Variants in GABRB1 observed in about 807,000 individuals in gnomAD.
GABRB1 encodes the protein gamma-aminobutyric acid receptor subunit beta-1.
GABRB1 carries 17 observed loss-of-function variants against 51.6 expected under a neutral mutation model. The ratio of observed to expected loss-of-function variants is 0.33; its 90% confidence interval spans 0.23 to 0.49. The LOEUF is 0.49. Ranked by LOEUF, GABRB1 falls within the 20% of genes least tolerant of loss-of-function variation. GABRB1 has a pLI of 0.99. For missense variants in GABRB1, 410 were observed against 600.6 expected (o/e 0.68, Z 3.32); for synonymous variants, 247 against 218.9 (o/e 1.13, Z -1.14).
intron 1 of GABRB1, among the ~76,000 whole-genome samples, chr4:46,994,673 A>G (rs929851928): frequency 2.6e-5 from 4 of 152,202 alleles, no homozygotes; most frequent in African/African-American, 4.8e-5. Flanking sequence ...AGCATTCCCA[A>G]TAGATCTTTG....
chr4:47,031,478 G>C (rs944297641), upstream of GABRB1: 75 of 619,556 alleles, frequency 1.2e-4, no homozygotes, highest in African/African-American at 1.0e-3. Context: ...TAGAGGGATT[G>C]AAATCTGTTG....
intron 4 of GABRB1, among the ~76,000 whole-genome samples, chr4:47,228,068 A>C (rs1560594321): frequency 6.6e-6 from 1 of 152,188 alleles, no homozygotes; most frequent in Non-Finnish European, 1.5e-5. Context: ...TTTGGAAGGA[A>C]CACAGTTTAG....
At chr4:47,182,434 T>G (rs1718990278) in intron 4 of GABRB1, among the ~76,000 whole-genome samples, 2 of 152,058 alleles carry the variant, frequency 1.3e-5, no homozygotes, top group Admixed American at 1.3e-4. Flanking sequence ...AATCTCATGT[T>G]TACCAAGTGG....
At chr4:47,288,695 T>C (rs733873) in intron 4 of GABRB1, among the ~76,000 whole-genome samples, 106,373 of 152,090 alleles carry the variant, frequency 0.7, 38,179 homozygotes, top group East Asian at 0.97. Flanking sequence ...TCATAGCAAA[T>C]GTTTATTGAA....
intron 1 of GABRB1, among the ~76,000 whole-genome samples, chr4:46,997,644 T>A (rs1724043530): frequency 6.6e-6 from 1 of 152,094 alleles, no homozygotes; most frequent in African/African-American, 2.4e-5. Context: ...ACTTACTATA[T>A]GTCCTCCAGG....
At chr4:47,195,285 T>C (rs930658979) in intron 4 of GABRB1, among the ~76,000 whole-genome samples, 4 of 152,024 alleles carry the variant, frequency 2.6e-5, no homozygotes, top group African/African-American at 9.7e-5. Flanking sequence ...GAGAATGGCG[T>C]GAACCCGGGA....
chr4:47,335,172 C>T (rs182811309), intron 5 of GABRB1, among the ~76,000 whole-genome samples: 26 of 152,076 alleles, frequency 1.7e-4, no homozygotes, highest in African/African-American at 6.3e-4. Context: ...GGTCCAGATC[C>T]TGAATGTCTA....
At chr4:47,207,623 G>T (rs1212350778) in intron 4 of GABRB1, among the ~76,000 whole-genome samples, 1 of 151,976 alleles carries the variant, frequency 6.6e-6, no homozygotes, top group African/African-American at 2.4e-5. Flanking sequence ...GTATTATGCT[G>T]ATGTTTTGAT....
In GABRB1 at chr4:47,060,416, C is replaced by T. The variant is rs1333005522; in HGVS notation, c.240+27932C>T. Among the ~76,000 whole-genome samples the T allele has an allele frequency of 3.3e-5, 5 of 152,150 alleles. No homozygotes were observed. The East Asian group carries it at 9.7e-4, about 29-fold the overall frequency. On this transcript the variant is annotated intron_variant, in intron 3 of 8. Transcript: ENST00000295454. ...ATCTCAGCTTTCCAGGGTATTGCCC[C>T]ATAACCGCAGAATAAAACAACCCTG...
chr4:47,316,345 G>C (rs1560330414), intron 4 of GABRB1, among the ~76,000 whole-genome samples: 1 of 151,670 alleles, frequency 6.6e-6, no homozygotes, highest in East Asian at 1.9e-4. Flanking sequence ...TAGTATTTCT[G>C]TGCTTGGCTT....
At chr4:47,047,595 A>G (rs953181045) in intron 3 of GABRB1, among the ~76,000 whole-genome samples, 1 of 152,146 alleles carries the variant, frequency 6.6e-6, no homozygotes, top group Non-Finnish European at 1.5e-5. Context: ...TTAAACATAG[A>G]AAAGTTTCAG....
At chr4:47,180,546 G>T (rs1718901002) in intron 4 of GABRB1, among the ~76,000 whole-genome samples, 1 of 151,932 alleles carries the variant, frequency 6.6e-6, no homozygotes, top group Non-Finnish European at 1.5e-5. Flanking sequence ...TTAGTTATTT[G>T]GATGCTTTTT....
intron 3 of GABRB1, among the ~76,000 whole-genome samples, chr4:47,116,301 T>C (rs1006668220): frequency 2.0e-5 from 3 of 152,136 alleles, no homozygotes; most frequent in Admixed American, 2.0e-4. Context: ...AAGACATTCA[T>C]CTCAATTATT....
At chr4:47,134,610 T>G (rs1296571680) in intron 3 of GABRB1, among the ~76,000 whole-genome samples, 1 of 152,208 alleles carries the variant, frequency 6.6e-6, no homozygotes, top group African/African-American at 2.4e-5. Context: ...AACTTGAAAC[T>G]GTTACCAATA....
chr4:47,376,213 G>T (rs529290336), intron 5 of GABRB1, among the ~76,000 whole-genome samples: 2 of 152,254 alleles, frequency 1.3e-5, no homozygotes, highest in South Asian at 4.1e-4. Context: ...GAAAGATAAG[G>T]ATAGAACCCA....
intron 3 of GABRB1, chr4:47,032,879 G>A: frequency 2.6e-6 from 1 of 390,998 alleles, no homozygotes; most frequent in Non-Finnish European, 5.2e-6. Context: ...ACCTCCCCAG[G>A]CGCGGTGCTG....
intron 3 of GABRB1, among the ~76,000 whole-genome samples, chr4:47,129,244 T>G (rs542138347): frequency 1.3e-5 from 2 of 152,242 alleles, no homozygotes; most frequent in Non-Finnish European, 2.9e-5. Flanking sequence ...TAAATGTATG[T>G]TCAAAACAGA....
chr4:47,275,244 T>C (rs936134111), intron 4 of GABRB1, among the ~76,000 whole-genome samples: 6 of 152,148 alleles, frequency 3.9e-5, no homozygotes. Flanking sequence ...GCTTATCACT[T>C]TGTAACTCAT....
intron 3 of GABRB1, among the ~76,000 whole-genome samples, chr4:47,061,812 G>A (rs1227403571): frequency 6.6e-6 from 1 of 152,142 alleles, no homozygotes; most frequent in Admixed American, 6.5e-5. Flanking sequence ...TGACTGTCTT[G>A]TAAATACTTT....
Sources: gnomAD v4.1 joint callset for allele counts (sites outside exome capture counted in the v4.1 genomes callset) on GRCh38, gnomAD v4.1.1 for gene constraint, MANE v1.5 for transcripts, NCBI Gene and HGNC (gene_info 2026-07-23, HGNC 2026-07-21) for gene names.